Variants in UBE2E2 observed in about 807,000 individuals in gnomAD.
UBE2E2 encodes ubiquitin conjugating enzyme E2 E2, also known as ubiquitin-conjugating enzyme E2 E2.
Under a neutral mutation model 24.7 loss-of-function variants are expected in UBE2E2, and 6 were observed. The observed-to-expected ratio is 0.24, with a 90% CI of 0.13 to 0.48. The LOEUF is 0.48. Ranked by LOEUF, UBE2E2 falls within the 20% of genes least tolerant of loss-of-function variation. UBE2E2 has a pLI of 0.99. For missense variants in UBE2E2, 169 were observed against 245.0 expected, an observed-to-expected ratio of 0.69 and a Z score of 2.07; for synonymous variants, 104 against 83.6, an observed-to-expected ratio of 1.24 and a Z score of -1.33.
intron 3 of UBE2E2, among the ~76,000 whole-genome samples, chr3:23,266,071 G>A (rs1698040506): frequency 6.6e-6 from 1 of 152,186 alleles, no homozygotes; most frequent in African/African-American, 2.4e-5. Flanking sequence ...CCTGAATACA[G>A]CACACTGATG....
At chr3:23,420,810 G>C (rs1697777704) in intron 3 of UBE2E2, among the ~76,000 whole-genome samples, 1 of 152,126 alleles carries the variant, frequency 6.6e-6, no homozygotes, top group South Asian at 2.1e-4. Context: ...TCCAGGAAAG[G>C]ACTGATCTTT....
intron 5 of UBE2E2, among the ~76,000 whole-genome samples, chr3:23,587,567 C>T (rs942322690): frequency 1.3e-5 from 2 of 152,172 alleles, no homozygotes; most frequent in Admixed American, 1.3e-4. Context: ...CCACGTTTCA[C>T]CCTACTCTTT....
At chr3:23,260,578 C>T (rs921207110) in intron 3 of UBE2E2, among the ~76,000 whole-genome samples, 4 of 152,008 alleles carry the variant, frequency 2.6e-5, no homozygotes, top group Admixed American at 2.6e-4. Context: ...TTTGGGAGGT[C>T]GAGGTGGGAG....
At chr3:23,348,491 A>C (rs1695627848) in intron 3 of UBE2E2, among the ~76,000 whole-genome samples, 1 of 152,154 alleles carries the variant, frequency 6.6e-6, no homozygotes, top group South Asian at 2.1e-4. Flanking sequence ...CAGACATTCA[A>C]GTGGTTAAAG....
intron 3 of UBE2E2, among the ~76,000 whole-genome samples, chr3:23,219,516 A>C (rs1559443779): frequency 6.6e-6 from 1 of 152,194 alleles, no homozygotes; most frequent in East Asian, 1.9e-4. Flanking sequence ...CAAAGTTAAC[A>C]GTGCTTTTGT....
At chr3:23,374,558 T>C (rs1696472445) in intron 3 of UBE2E2, among the ~76,000 whole-genome samples, 1 of 152,192 alleles carries the variant, frequency 6.6e-6, no homozygotes, top group Non-Finnish European at 1.5e-5. Flanking sequence ...ACATAAAGCA[T>C]GCAGAACTCG....
At chr3:23,455,404 A>G (rs749673790) in intron 3 of UBE2E2, among the ~76,000 whole-genome samples, 3 of 152,200 alleles carry the variant, frequency 2.0e-5, no homozygotes, top group African/African-American at 4.8e-5. Flanking sequence ...AAAGAGGACA[A>G]TGCATATACC....
chr3:23,478,862 G>GTTT (rs1699193084), intron 3 of UBE2E2, among the ~76,000 whole-genome samples: 1 of 150,224 alleles, frequency 6.7e-6, no homozygotes, highest in African/African-American at 2.5e-5. Flanking sequence ...GCAAAATAGG[G>GTTT]AAAGCCCATC....
At chr3:23,277,757 CTA>C (rs1290114801) in intron 3 of UBE2E2, among the ~76,000 whole-genome samples, 1 of 151,988 alleles carries the variant, frequency 6.6e-6, no homozygotes. Flanking sequence ...GGCTCTAAGG[CTA>C]TGTTAGTGAC....
At chr3:23,403,165 A>G (rs1335481490) in intron 3 of UBE2E2, among the ~76,000 whole-genome samples, 1 of 152,228 alleles carries the variant, frequency 6.6e-6, no homozygotes, top group Non-Finnish European at 1.5e-5. Flanking sequence ...GAACAAATAT[A>G]ATTATTTTTG....
intron 3 of UBE2E2, among the ~76,000 whole-genome samples, chr3:23,342,302 A>G (rs956995363): frequency 6.6e-6 from 1 of 151,586 alleles, no homozygotes; most frequent in African/African-American, 2.4e-5. Flanking sequence ...CTCCCACCTC[A>G]GCCTACCAAA....
At chr3:23,348,742 A>T (rs1323094174) in intron 3 of UBE2E2, among the ~76,000 whole-genome samples, 1 of 152,176 alleles carries the variant, frequency 6.6e-6, no homozygotes, top group Non-Finnish European at 1.5e-5. Flanking sequence ...GAAACAAAAT[A>T]GAACTTTCAC....
At chr3:23,375,579 G>T (rs1274506181) in intron 3 of UBE2E2, among the ~76,000 whole-genome samples, 1 of 152,076 alleles carries the variant, frequency 6.6e-6, no homozygotes, top group Non-Finnish European at 1.5e-5. Flanking sequence ...GAGGTTTTTT[G>T]TTTCTGCTAG....
chr3:23,323,226 T>C (rs556957056), intron 3 of UBE2E2, among the ~76,000 whole-genome samples: 1 of 152,142 alleles, frequency 6.6e-6, no homozygotes, highest in Non-Finnish European at 1.5e-5. Flanking sequence ...TCTGTTTTAT[T>C]GATGAAGAAT....
At chr3:23,291,516 C>T (rs1361766900) in intron 3 of UBE2E2, among the ~76,000 whole-genome samples, 2 of 151,902 alleles carry the variant, frequency 1.3e-5, no homozygotes, top group Non-Finnish European at 1.5e-5. Context: ...ATGCAGAGAC[C>T]GTATACAAGC....
At position 23,208,882 on chromosome 3, in the gene UBE2E2, C is replaced by G. The variant is rs1047134100; in HGVS notation, c.176+7C>G. The G allele has an allele frequency of 2.5e-6, 4 of 1,602,948 alleles. No individual in the cohort carries two copies. The African/African-American group carries it at 4.0e-5, about 16-fold the overall frequency. On this transcript the variant is annotated splice_region_variant and intron_variant, in intron 2 of 5. Transcript: ENST00000396703. ...TGTCAACTAGTGCTAAAAGGTACTTCAGTTATTATAACCTTTTTATTGTTG... is the reference window on the plus strand; with the variant it reads ...TGTCAACTAGTGCTAAAAGGTACTTGAGTTATTATAACCTTTTTATTGTTG...
At chr3:23,508,351 T>G (rs1694502933) in intron 4 of UBE2E2, among the ~76,000 whole-genome samples, 1 of 152,226 alleles carries the variant, frequency 6.6e-6, no homozygotes, top group South Asian at 2.1e-4. Flanking sequence ...CCAACTTTAT[T>G]GTAAGCCAAA....
At position 23,203,354 on chromosome 3, in the gene UBE2E2, G is replaced by T; in HGVS notation, c.-119G>T. 1 of 986,274 alleles carries T rather than the reference G, an allele frequency of 1.0e-6. No individual in the cohort carries two copies. Among genetic ancestry groups the T allele is most frequent in the South Asian group, 4.6e-5 (1 of 21,854 alleles). The allele number at this position is 986,274 out of a possible 1,614,324, so 61.1% of individuals were successfully genotyped here. ...CTTTCGGTGACTAGACGGTCCGCAG[G>T]GGACATCCCGTCCCTGGGGCCTCCC... is the stretch of plus-strand genomic sequence containing the variant. On this transcript the variant is annotated 5_prime_UTR_variant, in exon 1 of 6. Coordinates refer to ENST00000396703, the MANE Select transcript of UBE2E2 (RefSeq NM_152653.4).
intron 3 of UBE2E2, among the ~76,000 whole-genome samples, chr3:23,257,204 C>T (rs1193445982): frequency 2.0e-5 from 3 of 152,148 alleles, no homozygotes; most frequent in Admixed American, 1.3e-4. Context: ...GTAATGGTTT[C>T]ATGTTATCAT....
Sources: allele counts gnomAD v4.1 joint callset (sites outside exome capture counted in the v4.1 genomes callset), GRCh38; gene constraint gnomAD v4.1.1; transcripts MANE v1.5; gene names NCBI Gene and HGNC (gene_info 2026-07-23, HGNC 2026-07-21).